Variants in DEK observed in about 807,000 individuals in gnomAD.
DEK encodes the protein protein DEK.
A neutral mutation model predicts 46.8 loss-of-function variants in DEK; 28 were observed. That is an observed-to-expected ratio of 0.60 (90% CI 0.44 to 0.82). DEK has a LOEUF of 0.82. DEK is among the 40% of genes least tolerant of loss of function. The pLI is 0.00. For missense variants in DEK, 416 were observed against 430.6 expected, an observed-to-expected ratio of 0.97 and a Z score of 0.30; for synonymous variants, 160 against 144.5, an observed-to-expected ratio of 1.11 and a Z score of -0.77.
At chr6:18,227,317 G>A (rs1242676673) in intron 9 of DEK, among the ~76,000 whole-genome samples, 2 of 152,154 alleles carry the variant, frequency 1.3e-5, no homozygotes, top group African/African-American at 2.4e-5. Flanking sequence ...GGGGAAAAAC[G>A]CCTTAGGGCT....
intron 7 of DEK, among the ~76,000 whole-genome samples, chr6:18,240,948 C>T (rs1790866600): frequency 6.6e-6 from 1 of 152,164 alleles, no homozygotes; most frequent in Non-Finnish European, 1.5e-5. Flanking sequence ...CCGCAAACAT[C>T]TATAGTAATA....
chr6:18,243,871 G>C (rs1458686021), intron 7 of DEK, among the ~76,000 whole-genome samples: 2 of 152,122 alleles, frequency 1.3e-5, no homozygotes, highest in East Asian at 3.9e-4. Context: ...TAGCCACTTG[G>C]TGGCAGGATC....
rs1396065298 is a variant in DEK, at chr6:18,249,735, C to G, written c.678G>C (p.Leu226=). Residue 226 remains leucine, a synonymous_variant, in exon 7 of 11, where the codon CTG becomes CTC. Coordinates refer to ENST00000652689, the MANE Select transcript of DEK (RefSeq NM_003472.4). The stretch of plus-strand genomic sequence containing the variant: ...CTTCATCACTACTAGATTCATCTGA[C>G]AGAATTTCAGGACATTTGGTTCGCT... ...KAKRTKCPEI[L]SDESSSDEDE... The G allele has an allele frequency of 6.2e-6, 10 of 1,613,836 alleles. No homozygotes were observed. The highest frequency in any genetic ancestry group is 8.5e-6 in the Non-Finnish European group (10 of 1,179,982).
At chr6:18,228,450 C>T (rs745993053) in intron 9 of DEK, among the ~76,000 whole-genome samples, 4 of 151,916 alleles carry the variant, frequency 2.6e-5, no homozygotes, top group Non-Finnish European at 2.9e-5. Flanking sequence ...CCGTGAGCGA[C>T]GCAGAAGACG....
At chr6:18,232,741 G>A (rs1790464788) in intron 9 of DEK, among the ~76,000 whole-genome samples, 1 of 152,166 alleles carries the variant, frequency 6.6e-6, no homozygotes. Context: ...AACATTCCAT[G>A]CTCAAGGATT....
chr6:18,225,863 T>G (rs1045289009), intron 10 of DEK, 133 bp from the exon 11 acceptor site: 3 of 1,086,554 alleles, frequency 2.8e-6, no homozygotes, highest in Non-Finnish European at 4.1e-6. Context: ...CTGCTGATCT[T>G]CCCCTCACCT....
At chr6:18,246,869 A>G (rs1478408300) in intron 7 of DEK, among the ~76,000 whole-genome samples, 1 of 152,262 alleles carries the variant, frequency 6.6e-6, no homozygotes, top group Non-Finnish European at 1.5e-5. Context: ...CAGAACAAGA[A>G]GCTGATCTTA....
At chr6:18,236,428 T>C (rs372069467) in intron 9 of DEK, 24 bp downstream of exon 9, 73 of 1,602,228 alleles carry the variant, frequency 4.6e-5, no homozygotes, top group Non-Finnish European at 5.9e-5. Flanking sequence ...AAAAGCAAAA[T>C]AATCTAAACA....
At chr6:18,239,269 C>T (rs1324742106) in intron 7 of DEK, among the ~76,000 whole-genome samples, 1 of 150,786 alleles carries the variant, frequency 6.6e-6, no homozygotes, top group Non-Finnish European at 1.5e-5. Flanking sequence ...TGAACCTATC[C>T]TTTAGATTAA....
intron 7 of DEK, among the ~76,000 whole-genome samples, chr6:18,247,270 G>A (rs1157087313): frequency 6.6e-6 from 1 of 151,604 alleles, no homozygotes; most frequent in Non-Finnish European, 1.5e-5. Flanking sequence ...ACATTTATCA[G>A]GGAAAAAAAA....
intron 6 of DEK, 37 bp from the exon 7 acceptor site, chr6:18,249,876 A>G (rs1791292019): frequency 6.5e-7 from 1 of 1,535,964 alleles, no homozygotes; most frequent in Non-Finnish European, 8.7e-7. Flanking sequence ...CCAATGAGGT[A>G]TAATATTTCA....
At chr6:18,249,169 C>T (rs1277732111) in intron 7 of DEK, among the ~76,000 whole-genome samples, 1 of 152,134 alleles carries the variant, frequency 6.6e-6, no homozygotes, top group Non-Finnish European at 1.5e-5. Flanking sequence ...AATTTATCCA[C>T]TCATTATATA....
intron 6 of DEK, among the ~76,000 whole-genome samples, chr6:18,251,586 A>G (rs1003958349): frequency 6.6e-6 from 1 of 152,212 alleles, no homozygotes; most frequent in African/African-American, 2.4e-5. Context: ...GATTCTCTAT[A>G]AGAAATCGTG....
Position 18,239,427 on chromosome 6 carries a change from C to G in DEK, c.763-1911G>C, listed in dbSNP as rs532309329. 3.4e-5 allele frequency among the ~76,000 whole-genome samples: 5 copies of G among 147,314 alleles called. No homozygotes were observed. The South Asian group carries it at 1.1e-3, about 32-fold the overall frequency. ...TCAAACAATCCTCCCACCTCAGGCT[C>G]CTGAGTAGTTGGGACTACAGGCACA... On this transcript the variant is annotated intron_variant, in intron 7 of 10. Coordinates refer to ENST00000652689, the MANE Select transcript of DEK (RefSeq NM_003472.4).
chr6:18,237,046 G>C (rs1323569446), intron 8 of DEK: 2 of 206,742 alleles, frequency 9.7e-6, no homozygotes, highest in African/African-American at 4.7e-5. Context: ...GAGCTGTAAC[G>C]GCACCACTGC....
At chr6:18,235,933 AC>A (rs1050346102) in intron 9 of DEK, among the ~76,000 whole-genome samples, 3 of 152,252 alleles carry the variant, frequency 2.0e-5, no homozygotes, top group African/African-American at 7.2e-5. Flanking sequence ...ATTTTATTTT[AC>A]CCCAACAGAC....
At chr6:18,259,100 G>A (rs1439113358) in intron 2 of DEK, among the ~76,000 whole-genome samples, 1 of 151,932 alleles carries the variant, frequency 6.6e-6, no homozygotes, top group African/African-American at 2.4e-5. Context: ...GGAGGCTGAG[G>A]CGGGCGGATA....
chr6:18,247,171 T>TA (rs1160563662), intron 7 of DEK, among the ~76,000 whole-genome samples: 17 of 152,148 alleles, frequency 1.1e-4, no homozygotes, highest in African/African-American at 4.1e-4. Context: ...TGCCAGAACT[T>TA]ACCTTTCAAA....
intron 7 of DEK, among the ~76,000 whole-genome samples, chr6:18,242,601 T>C (rs1273151106): frequency 1.3e-5 from 2 of 151,584 alleles, no homozygotes; most frequent in Non-Finnish European, 2.9e-5. Context: ...ATCCACACTG[T>C]AGATGCTCCC....
Sources: gnomAD v4.1 joint callset for allele counts (sites outside exome capture counted in the v4.1 genomes callset) on GRCh38, gnomAD v4.1.1 for gene constraint, MANE v1.5 for transcripts, NCBI Gene and HGNC (gene_info 2026-07-23, HGNC 2026-07-21) for gene names.